Variants in COL14A1 observed in about 807,000 individuals in gnomAD.
COL14A1 encodes the protein collagen type XIV alpha 1 chain, also known as collagen alpha-1(XIV) chain.
A neutral mutation model predicts 230.3 loss-of-function variants in COL14A1; 136 were observed. The observed-to-expected ratio is 0.59, with a 90% CI of 0.51 to 0.68. The LOEUF is 0.68. Among genes scored for constraint, COL14A1 ranks in the 30% least tolerant of loss-of-function variants. The pLI is 0.00. For synonymous variants in COL14A1, 792 were observed against 784.1 expected, an observed-to-expected ratio of 1.01 and a Z score of -0.17; for missense variants, 1,976 against 2,215.8, an observed-to-expected ratio of 0.89 and a Z score of 2.17.
intron 5 of COL14A1, among the ~76,000 whole-genome samples, chr8:120,176,779 G>T (rs529104748): frequency 6.6e-6 from 1 of 152,118 alleles, no homozygotes; most frequent in East Asian, 1.9e-4. Flanking sequence ...GGGTTTGAAG[G>T]ATACCTGGAT....
chr8:120,275,405 A>G (rs989349579), intron 26 of COL14A1, among the ~76,000 whole-genome samples: 3 of 151,920 alleles, frequency 2.0e-5, no homozygotes, highest in African/African-American at 7.2e-5. Context: ...ATAACCTGCG[A>G]AAAACTCTTC....
intron 13 of COL14A1, among the ~76,000 whole-genome samples, chr8:120,214,911 G>A (rs186505778): frequency 2.6e-4 from 40 of 152,302 alleles, no homozygotes; most frequent in East Asian, 1.9e-3. Context: ...CTGGCTATGC[G>A]TATATCTAGG....
intron 28 of COL14A1, 61 bp from the exon 29 acceptor site, chr8:120,279,874 T>G: frequency 6.4e-7 from 1 of 1,570,450 alleles, no homozygotes; most frequent in Non-Finnish European, 8.7e-7. Context: ...TGTCTTATAT[T>G]ACATTATTTG....
rs1815520328 is a variant in COL14A1, at chr8:120,157,560, C to T, written c.89-570C>T. Reference sequence around the variant, plus strand: ...ACTAGGCTAGAGTATTACATTCTAACACTTGGTCTTAGTTCTTTGTCATAA... The same window carrying T: ...ACTAGGCTAGAGTATTACATTCTAATACTTGGTCTTAGTTCTTTGTCATAA... On this transcript the variant is annotated intron_variant, in intron 2 of 47. Transcript: ENST00000297848. Among the ~76,000 whole-genome samples the T allele has an allele frequency of 3.3e-5, 5 of 152,198 alleles. No homozygotes were observed. The South Asian group carries it at 1.0e-3, about 31-fold the overall frequency.
In COL14A1 at chr8:120,366,447, C is replaced by T. The variant is rs148089844; in HGVS notation, c.5078-724C>T. Among the ~76,000 whole-genome samples, 1,494 of 152,320 alleles carry T rather than the reference C, an allele frequency of 9.8e-3. 27 individuals carry two copies. Among genetic ancestry groups the T allele is most frequent in the African/African-American group, 0.034 (1,424 of 41,570 alleles). ...ATGTAAGCCAGGGTAACCCAGACCC[C>T]AGTCTAATGCAACCGTATCTTGGGC... is the stretch of plus-strand genomic sequence containing the variant. On this transcript the variant is annotated intron_variant, in intron 45 of 47. Coordinates refer to ENST00000297848, the MANE Select transcript of COL14A1 (RefSeq NM_021110.4).
chr8:120,217,969 TAA>T, intron 14 of COL14A1, among the ~76,000 whole-genome samples: 1 of 135,872 alleles, frequency 7.4e-6, no homozygotes, highest in Non-Finnish European at 1.6e-5. Context: ...ATATATAATT[TAA>T]ATATATAATA....
chr8:120,332,342 C>T (rs1821899221), intron 41 of COL14A1, 148 bp downstream of exon 41: 2 of 743,392 alleles, frequency 2.7e-6, no homozygotes, highest in Admixed American at 2.9e-5. Context: ...CTCCCTAAAA[C>T]TTTTTAGAAA....
chr8:120,221,560 GCACACACACA>G (rs142408225), intron 14 of COL14A1, among the ~76,000 whole-genome samples: 1 of 149,294 alleles, frequency 6.7e-6, no homozygotes, highest in Non-Finnish European at 1.5e-5. Context: ...ACACACACAT[GCACACACACA>G]CACACACACA....
At chr8:120,174,848 C>T (rs1370536816) in intron 5 of COL14A1, among the ~76,000 whole-genome samples, 4 of 152,078 alleles carry the variant, frequency 2.6e-5, no homozygotes, top group Admixed American at 6.6e-5. Context: ...GACAGAGTTA[C>T]GGCTCCTAGG....
chr8:120,280,894 CT>C, intron 30 of COL14A1, 26 bp from the exon 31 acceptor site: 1 of 1,439,768 alleles, frequency 6.9e-7, no homozygotes, highest in East Asian at 2.4e-5. Context: ...TATGTTTATT[CT>C]TTTTCTACTT....
intron 4 of COL14A1, among the ~76,000 whole-genome samples, chr8:120,166,572 T>C (rs1388463640): frequency 6.6e-6 from 1 of 152,164 alleles, no homozygotes; most frequent in Non-Finnish European, 1.5e-5. Context: ...AGCACAATCT[T>C]TCTCATATTA....
At chr8:120,366,139 T>C (rs1823399626) in intron 45 of COL14A1, among the ~76,000 whole-genome samples, 1 of 152,248 alleles carries the variant, frequency 6.6e-6, no homozygotes, top group South Asian at 2.1e-4. Context: ...GTGATTATTT[T>C]CAAGTGCTAG....
chr8:120,267,047 TC>T, intron 25 of COL14A1, 164 bp downstream of exon 25: 2 of 603,818 alleles, frequency 3.3e-6, no homozygotes, highest in Non-Finnish European at 5.8e-6. Flanking sequence ...TTGAATGATA[TC>T]CATTTAATAT....
chr8:120,197,256 T>C (rs1335934918), intron 6 of COL14A1, among the ~76,000 whole-genome samples: 2 of 152,156 alleles, frequency 1.3e-5, no homozygotes, highest in South Asian at 2.1e-4. Context: ...TTAAAAGAAA[T>C]AGCTAAATCT....
chr8:120,212,531 G>T lies in COL14A1; in HGVS notation c.1551G>T (p.Met517Ile), dbSNP rs928154178. 6.2e-7 allele frequency: 1 copy of T among 1,613,704 alleles called. No individual in the cohort carries two copies. Among genetic ancestry groups the T allele is most frequent in the East Asian group, 2.2e-5 (1 of 44,856 alleles). Residue 517 changes from methionine to isoleucine, a missense_variant, in exon 13 of 48, where the codon ATG becomes ATT. Met to Ile is a conservative substitution (Grantham distance 10, BLOSUM62 1). This residue lies in a region of COL14A1 where 1,791 missense variants were observed against 2,019.5 expected (regional missense o/e 0.89). Coordinates refer to ENST00000297848, the MANE Select transcript of COL14A1 (RefSeq NM_021110.4). ...NTEYTVTVYA[M>I]FGEEASDPVT... Reference sequence around the variant, plus strand: ...AATACACAGTCACAGTTTATGCCATGTTTGGAGAAGAGGCCAGTGATCCTG... The same window carrying T: ...AATACACAGTCACAGTTTATGCCATTTTTGGAGAAGAGGCCAGTGATCCTG...
intron 3 of COL14A1, 57 bp from the exon 4 acceptor site, chr8:120,162,369 A>G (rs1815706937): frequency 7.0e-7 from 1 of 1,426,106 alleles, no homozygotes; most frequent in African/African-American, 1.4e-5. Flanking sequence ...AAAGTTTCTT[A>G]ATGTACACAG....
intron 19 of COL14A1, among the ~76,000 whole-genome samples, chr8:120,243,238 T>A (rs1370641460): frequency 6.6e-6 from 1 of 152,154 alleles, no homozygotes; most frequent in Non-Finnish European, 1.5e-5. Context: ...CTGCATTTCT[T>A]TTTTGTGGGG....
intron 23 of COL14A1, among the ~76,000 whole-genome samples, chr8:120,257,814 C>G (rs1221722151): frequency 6.6e-6 from 1 of 152,194 alleles, no homozygotes; most frequent in Non-Finnish European, 1.5e-5. Context: ...TTTCTGAATG[C>G]CTCCGTCAAA....
chr8:120,286,649 A>G (rs916911557), intron 33 of COL14A1, among the ~76,000 whole-genome samples: 1 of 152,126 alleles, frequency 6.6e-6, no homozygotes, highest in African/African-American at 2.4e-5. Flanking sequence ...AGCTGGGATT[A>G]CAGGCATCTG....
Sources: allele counts gnomAD v4.1 joint callset (sites outside exome capture counted in the v4.1 genomes callset), GRCh38; gene constraint gnomAD v4.1.1; regional missense constraint gnomAD v4.1.1; transcripts MANE v1.5; gene names NCBI Gene and HGNC (gene_info 2026-07-23, HGNC 2026-07-21).